SPIRE1: variants seen among roughly 807,000 people sequenced by gnomAD.
The protein encoded by SPIRE1 is protein spire homolog 1.
In SPIRE1, 40 loss-of-function variants were observed where a neutral mutation model predicts 94.1. The ratio of observed to expected loss-of-function variants is 0.43; its 90% CI spans 0.33 to 0.55. The LOEUF is 0.55. Ranked by LOEUF, SPIRE1 falls within the 20% of genes least tolerant of loss-of-function variation. The probability of loss-of-function intolerance (pLI) is 0.06; values close to 1 mark genes in which losing one functional copy is unlikely to be tolerated. For synonymous variants in SPIRE1, 376 were observed against 371.7 expected, an observed-to-expected ratio of 1.01 and a Z score of -0.13; for missense variants, 838 against 975.2, an observed-to-expected ratio of 0.86 and a Z score of 1.87.
chr18:12,530,100 T>C (rs930408413), intron 4 of SPIRE1, among the ~76,000 whole-genome samples: 2 of 152,200 alleles, frequency 1.3e-5, no homozygotes, highest in African/African-American at 4.8e-5. Context: ...CAATTTTGAT[T>C]AATTTATCTA....
At chr18:12,518,247 T>G (rs186945026) in intron 4 of SPIRE1, among the ~76,000 whole-genome samples, 2 of 152,262 alleles carry the variant, frequency 1.3e-5, no homozygotes, top group East Asian at 3.9e-4. Context: ...CTGGGCTCAG[T>G]GGTCTGCCCG....
intron 2 of SPIRE1, among the ~76,000 whole-genome samples, chr18:12,582,145 T>C (rs770169244): frequency 2.0e-5 from 3 of 152,122 alleles, no homozygotes. Context: ...CTATAAACCA[T>C]GGTAAATTTC....
In SPIRE1 at chr18:12,555,308, A is replaced by G. The variant is rs1353205701; in HGVS notation, c.373-8404T>C. 3.3e-5 allele frequency among the ~76,000 whole-genome samples: 5 copies of G among 151,982 alleles called. No individual in the cohort carries two copies. The East Asian group carries it at 9.6e-4, about 29-fold the overall frequency. On this transcript the variant is annotated intron_variant, in intron 2 of 16. Coordinates refer to ENST00000409402, the MANE Select transcript of SPIRE1 (RefSeq NM_001128626.2). ...CCAGAACCAGACAAAGACTTATCAA[A>G]AAAAAAAAAAATTTTTTTTTGGATA... is the stretch of plus-strand genomic sequence containing the variant.
At chr18:12,529,134 C>CCGA (rs1287919392) in intron 4 of SPIRE1, among the ~76,000 whole-genome samples, 2 of 152,166 alleles carry the variant, frequency 1.3e-5, no homozygotes, top group Non-Finnish European at 2.9e-5. Flanking sequence ...CTTTGGGAGG[C>CCGA]CGAGGCGGGC....
intron 8 of SPIRE1, among the ~76,000 whole-genome samples, chr18:12,486,748 CTGAA>C (rs1180597911): frequency 6.6e-6 from 1 of 152,198 alleles, no homozygotes; most frequent in African/African-American, 2.4e-5. Flanking sequence ...ACAGTAAAAA[CTGAA>C]TATGGTGGTC....
At chr18:12,454,868 G>A (rs2031433103) in intron 12 of SPIRE1, among the ~76,000 whole-genome samples, 2 of 151,648 alleles carry the variant, frequency 1.3e-5, no homozygotes, top group South Asian at 4.2e-4. Flanking sequence ...CTACACCTAT[G>A]AAAAAGACAT....
chr18:12,641,934 C>T (rs2038098125), intron 1 of SPIRE1, among the ~76,000 whole-genome samples: 1 of 149,662 alleles, frequency 6.7e-6, no homozygotes, highest in Admixed American at 6.7e-5. Flanking sequence ...CAGGTTCAAG[C>T]AATTCTCCTG....
intron 1 of SPIRE1, among the ~76,000 whole-genome samples, chr18:12,641,374 C>CTTTTTTTTTTTT (rs67745102): frequency 7.0e-6 from 1 of 143,750 alleles, no homozygotes; most frequent in Non-Finnish European, 1.5e-5. Context: ...TTCTTTTTTT[C>CTTTTTTTTTTTT]TTTTTTTTTT....
chr18:12,635,594 C>T (rs2037900570), intron 1 of SPIRE1, among the ~76,000 whole-genome samples: 1 of 152,024 alleles, frequency 6.6e-6, no homozygotes, highest in South Asian at 2.1e-4. Flanking sequence ...TATGATTAGG[C>T]AAAACCATAT....
intron 2 of SPIRE1, among the ~76,000 whole-genome samples, chr18:12,551,209 T>C (rs984434469): frequency 6.6e-6 from 1 of 152,184 alleles, no homozygotes; most frequent in African/African-American, 2.4e-5. Context: ...ATCTTGTCTA[T>C]TTTGTTCACC....
Position 12,583,270 on chromosome 18 carries a change from G to A in SPIRE1, c.373-36366C>T, listed in dbSNP as rs1027264273. ...GAGGATTGCTTAAGCCCAGGAGTTC[G>A]AGACCAGCATGGGCAACAGCGGATG... On this transcript the variant is annotated intron_variant, in intron 2 of 16. Transcript: ENST00000409402. 6.6e-5 allele frequency among the ~76,000 whole-genome samples: 10 copies of A among 151,704 alleles called. No individual in the cohort carries two copies. In the Middle Eastern group the frequency reaches 0.01, roughly 159 times the overall value.
At chr18:12,655,262 G>A (rs2038507709) in intron 1 of SPIRE1, among the ~76,000 whole-genome samples, 1 of 151,170 alleles carries the variant, frequency 6.6e-6, no homozygotes, top group Non-Finnish European at 1.5e-5. Context: ...GAGAGAGAGA[G>A]AGAGAAAGAG....
intron 2 of SPIRE1, among the ~76,000 whole-genome samples, chr18:12,581,834 A>C (rs2036265727): frequency 6.6e-6 from 1 of 151,912 alleles, no homozygotes; most frequent in African/African-American, 2.4e-5. Context: ...ACTGCACTCC[A>C]GCCTGGGCAT....
chr18:12,610,976 C>T (rs945111382), intron 2 of SPIRE1, among the ~76,000 whole-genome samples: 2 of 150,648 alleles, frequency 1.3e-5, no homozygotes, highest in African/African-American at 4.9e-5. Flanking sequence ...AAAGCCGAGT[C>T]CCCATTCCTT....
rs1785315 is a variant in SPIRE1 at position 12,559,939 on chromosome 18, G to A, written c.373-13035C>T. ...CTGATTAAAAATGGGCAAAAGATCC[G>A]AATAGACATTTCTCAAAGTAAGAAT... On this transcript the variant is annotated intron_variant, in intron 2 of 16. Transcript: ENST00000409402. This position sits in a 1 kb window ranked among gnomAD's most constrained non-coding sequence, Gnocchi z 4.7. 0.12 allele frequency among the ~76,000 whole-genome samples: 19,011 copies of A among 152,166 alleles called. 1,844 individuals carry two copies. Among genetic ancestry groups the A allele is most frequent in the African/African-American group, 0.25 (10,499 of 41,478 alleles).
chr18:12,500,792 G>A (rs1444331323), intron 6 of SPIRE1, among the ~76,000 whole-genome samples: 2 of 152,054 alleles, frequency 1.3e-5, no homozygotes, highest in East Asian at 1.9e-4. Context: ...AAAGTAGCTC[G>A]CTGGACACAG....
In SPIRE1 at chr18:12,464,861, T is replaced by A; in HGVS notation, c.1495+7A>T. On this transcript the variant is annotated splice_region_variant and intron_variant, in intron 11 of 16. Coordinates refer to ENST00000409402, the MANE Select transcript of SPIRE1 (RefSeq NM_001128626.2). ...CGACTACAGCTCTTAGCACCACAAC[T>A]ACTCACTCTTCCTTGTGGACACGGC... 6.2e-7 allele frequency: 1 copy of A among 1,609,898 alleles called. No homozygotes were observed. The highest frequency in any genetic ancestry group is 8.5e-7 in the Non-Finnish European group (1 of 1,176,280).
intron 2 of SPIRE1, among the ~76,000 whole-genome samples, chr18:12,623,641 G>GT (rs1485948273): frequency 2.0e-5 from 3 of 150,806 alleles, no homozygotes; most frequent in Admixed American, 6.6e-5. Context: ...TTTTTGTTTT[G>GT]TTTTTTGAGA....
chr18:12,619,325 G>A (rs62097149), intron 2 of SPIRE1, among the ~76,000 whole-genome samples: 58,941 of 151,564 alleles, frequency 0.39, 12,130 homozygotes, highest in East Asian at 0.6. Flanking sequence ...TGGCTAACAC[G>A]GTGAAACCCC....
Sources: allele counts gnomAD v4.1 joint callset (sites outside exome capture counted in the v4.1 genomes callset), GRCh38; gene constraint gnomAD v4.1.1; non-coding constraint Gnocchi (gnomAD v3.1); transcripts MANE v1.5; gene names NCBI Gene and HGNC (gene_info 2026-07-23, HGNC 2026-07-21).